Variants in AGAP1 observed in about 807,000 individuals in gnomAD.
AGAP1 encodes the protein arf-GAP with GTPase, ANK repeat and PH domain-containing protein 1.
A neutral mutation model predicts 105.3 loss-of-function variants in AGAP1; 29 were observed. The ratio of observed to expected loss-of-function variants is 0.28; its 90% CI spans 0.21 to 0.38. AGAP1 has a LOEUF of 0.38. Among genes scored for constraint, AGAP1 ranks in the 10% least tolerant of loss-of-function variants. The probability of loss-of-function intolerance (pLI) is 1.00; values close to 1 mark genes in which losing one functional copy is unlikely to be tolerated. For missense variants in AGAP1, 998 were observed against 1,165.1 expected, an observed-to-expected ratio of 0.86 and a Z score of 2.09; for synonymous variants, 509 against 485.9, an observed-to-expected ratio of 1.05 and a Z score of -0.63.
chr2:235,681,932 C>T (rs576825995), intron 1 of AGAP1, among the ~76,000 whole-genome samples: 1 of 150,466 alleles, frequency 6.6e-6, no homozygotes, highest in African/African-American at 2.4e-5. Flanking sequence ...CTCACTGCAC[C>T]CTCTGCCTCC....
Position 235,819,908 on chromosome 2 carries a change from T to C in AGAP1, c.1050+12577T>C, listed in dbSNP as rs1024667833. ...TTTTTTTTTTCTTCTTTCTTTCTTT[T>C]TTTTTTTTTTTTGAGACGGAGTTTT... is the stretch of plus-strand genomic sequence containing the variant. On this transcript the variant is annotated intron_variant, in intron 9 of 17. Coordinates refer to ENST00000304032, the MANE Select transcript of AGAP1 (RefSeq NM_001037131.3). Among the ~76,000 whole-genome samples, 21 of 149,124 alleles carry C rather than the reference T, an allele frequency of 1.4e-4. 1 individual carries two copies. The highest frequency in any genetic ancestry group is 4.4e-4 in the African/African-American group (18 of 40,900).
intron 11 of AGAP1, among the ~76,000 whole-genome samples, chr2:235,920,659 A>G (rs2052139734): frequency 6.6e-6 from 1 of 152,254 alleles, no homozygotes; most frequent in Non-Finnish European, 1.5e-5. Flanking sequence ...CAACTACAGC[A>G]CTAAAGCAAA....
At chr2:235,839,152 G>A (rs1223806735) in intron 9 of AGAP1, among the ~76,000 whole-genome samples, 1 of 152,188 alleles carries the variant, frequency 6.6e-6, no homozygotes, top group Non-Finnish European at 1.5e-5. Context: ...TTACTGTGAA[G>A]CAATCTTTTA....
intron 1 of AGAP1, among the ~76,000 whole-genome samples, chr2:235,554,237 C>T (rs1167510668): frequency 2.0e-5 from 3 of 152,364 alleles, no homozygotes; most frequent in East Asian, 3.9e-4. Flanking sequence ...GCCTGCCTTA[C>T]GGTGCTCACG....
rs185798170 is a variant in AGAP1 at position 236,042,465 on chromosome 2, G to A, written c.1891+1624G>A. The stretch of plus-strand genomic sequence containing the variant: ...TCAAATGTGTGGTGAAATGAAGTTC[G>A]AAGAGAGAAGCAGTTATTTGAAGTG... On this transcript the variant is annotated intron_variant, in intron 15 of 17. Coordinates refer to ENST00000304032, the MANE Select transcript of AGAP1 (RefSeq NM_001037131.3). This position sits in a 1 kb window ranked among gnomAD's most constrained non-coding sequence, Gnocchi z 5.6. Among the ~76,000 whole-genome samples, 1 of 152,310 alleles carries A rather than the reference G, an allele frequency of 6.6e-6. No homozygotes were observed. The highest frequency in any genetic ancestry group is 1.5e-5 in the Non-Finnish European group (1 of 68,022).
chr2:236,028,229 C>A (rs1272782872), intron 13 of AGAP1, among the ~76,000 whole-genome samples: 1 of 152,126 alleles, frequency 6.6e-6, no homozygotes, highest in Non-Finnish European at 1.5e-5. Context: ...TCTGTTGGGC[C>A]TTGTTGGTGT....
intron 16 of AGAP1, among the ~76,000 whole-genome samples, chr2:236,110,239 T>C (rs1167926218): frequency 1.3e-5 from 2 of 152,176 alleles, no homozygotes; most frequent in Non-Finnish European, 2.9e-5. Flanking sequence ...CTCACACCTG[T>C]AATCCCAGCA....
At chr2:235,498,850 G>A (rs1941438942) in intron 1 of AGAP1, among the ~76,000 whole-genome samples, 1 of 152,180 alleles carries the variant, frequency 6.6e-6, no homozygotes, top group South Asian at 2.1e-4. Context: ...CCACTGGCCT[G>A]GCACTTGGCA....
intron 13 of AGAP1, among the ~76,000 whole-genome samples, chr2:235,999,762 TATG>T (rs1427516829): frequency 6.8e-5 from 10 of 147,176 alleles, no homozygotes; most frequent in Non-Finnish European, 1.5e-4. Context: ...TGATGCTGAT[TATG>T]ATGTTGTTGG....
chr2:235,983,782 G>T lies in AGAP1; in HGVS notation c.1645+15159G>T, dbSNP rs1028625910. On this transcript the variant is annotated intron_variant, in intron 13 of 17. Transcript: ENST00000304032. The surrounding 1 kb of genome is among the most constrained non-coding windows in gnomAD (Gnocchi z 4.5). ...AATAGGCTCTGCACATAGCCTGAGTGTGTGGTAGCCACACCATCTAGGCTT... is the reference window on the plus strand; with the variant it reads ...AATAGGCTCTGCACATAGCCTGAGTTTGTGGTAGCCACACCATCTAGGCTT... 1.3e-5 allele frequency among the ~76,000 whole-genome samples: 2 copies of T among 152,202 alleles called. No individual in the cohort carries two copies. The highest frequency in any genetic ancestry group is 6.5e-5 in the Admixed American group (1 of 15,282).
chr2:236,094,129 C>T (rs925923665), intron 16 of AGAP1, among the ~76,000 whole-genome samples: 1 of 151,946 alleles, frequency 6.6e-6, no homozygotes, highest in African/African-American at 2.4e-5. Context: ...AATACAGTGA[C>T]GAACAACTTC....
intron 1 of AGAP1, among the ~76,000 whole-genome samples, chr2:235,589,221 T>TA (rs1945247960): frequency 7.4e-6 from 1 of 134,308 alleles, no homozygotes; most frequent in Non-Finnish European, 1.6e-5. Context: ...TTTTTTTTTT[T>TA]TGAGACGGAG....
In AGAP1 at chr2:235,621,910, C is replaced by A. The variant is rs373594168; in HGVS notation, c.164-87269C>A. ...AGGGAGTGCCGCGCAGACCCCCCCA[C>A]CCCCTCAGAACAGCGGCCACTGTGT... On this transcript the variant is annotated intron_variant, in intron 1 of 17. Coordinates refer to ENST00000304032, the MANE Select transcript of AGAP1 (RefSeq NM_001037131.3). This position sits in a 1 kb window ranked among gnomAD's most constrained non-coding sequence, Gnocchi z 4.1. Among the ~76,000 whole-genome samples, 1 of 150,502 alleles carries A rather than the reference C, an allele frequency of 6.6e-6. No individual in the cohort carries two copies. Among genetic ancestry groups the A allele is most frequent in the African/African-American group, 2.4e-5 (1 of 41,100 alleles).
chr2:235,870,976 C>T (rs906461792), intron 9 of AGAP1, among the ~76,000 whole-genome samples: 1 of 152,224 alleles, frequency 6.6e-6, no homozygotes, highest in African/African-American at 2.4e-5. Context: ...AAATCATAAT[C>T]TGTTCCATTA....
intron 6 of AGAP1, among the ~76,000 whole-genome samples, chr2:235,763,657 G>T (rs1343167988): frequency 6.6e-6 from 1 of 152,146 alleles, no homozygotes; most frequent in East Asian, 1.9e-4. Flanking sequence ...TCCTAATTCA[G>T]CGTTCTCCAG....
At chr2:235,518,039 G>A (rs1328034579) in intron 1 of AGAP1, among the ~76,000 whole-genome samples, 1 of 152,214 alleles carries the variant, frequency 6.6e-6, no homozygotes, top group African/African-American at 2.4e-5. Context: ...CAGGTGAGAG[G>A]TGGAAGCTCA....
intron 4 of AGAP1, among the ~76,000 whole-genome samples, chr2:235,742,325 A>G (rs1321144375): frequency 2.0e-5 from 3 of 152,198 alleles, no homozygotes; most frequent in South Asian, 2.1e-4. Context: ...GACAGTGACC[A>G]TTAAGATGTA....
rs1287481656 is a variant in AGAP1, at chr2:236,030,723, G to A, written c.1646-5838G>A. 2.0e-5 allele frequency among the ~76,000 whole-genome samples: 3 copies of A among 152,288 alleles called. No individual in the cohort carries two copies. The East Asian group carries it at 5.8e-4, about 29-fold the overall frequency. On this transcript the variant is annotated intron_variant, in intron 13 of 17. Transcript: ENST00000304032. ...TGTTGTGATGCAGTCAGCTTGGAGG[G>A]GAAGCCAGGCCCCAGGAACAAGGGA...
At chr2:235,899,248 C>T (rs2050948585) in intron 10 of AGAP1, among the ~76,000 whole-genome samples, 1 of 152,156 alleles carries the variant, frequency 6.6e-6, no homozygotes, top group South Asian at 2.1e-4. Context: ...CGCGGTGGCT[C>T]GCACCTGTAA....
Sources: allele counts gnomAD v4.1 joint callset (sites outside exome capture counted in the v4.1 genomes callset), GRCh38; gene constraint gnomAD v4.1.1; non-coding constraint Gnocchi (gnomAD v3.1); transcripts MANE v1.5; gene names NCBI Gene and HGNC (gene_info 2026-07-23, HGNC 2026-07-21).